Variants in P2RY2 observed in about 807,000 individuals in gnomAD.
The protein encoded by P2RY2 is P2Y purinoceptor 2.
For missense variants in P2RY2, 567 were observed against 515.7 expected (o/e 1.10, Z -0.96); for synonymous variants, 241 against 231.9 (o/e 1.04, Z -0.35).
Position 73,234,596 on chromosome 11 carries a change from G to A in P2RY2, c.437G>A (p.Arg146Gln), listed in dbSNP as rs765341118. 4.5e-6 allele frequency: 7 copies of A among 1,568,996 alleles called. No individual in the cohort carries two copies. Among genetic ancestry groups the A allele is most frequent in the Admixed American group, 3.6e-5 (2 of 56,076 alleles). ...CCTCTGCGCTCCCTGCGCTGGGGCC[G>A]GGCCCGCTACGCTCGCCGGGTGGCC... The part of the protein sequence containing the change: ...LRPLRSLRWG[R>Q]ARYARRVAGA... The change falls in exon 3 of 3, where the codon CGG becomes CAG. Residue 146 changes from arginine to glutamine, a missense_variant. Physicochemically the swap from Arg to Gln is conservative, Grantham distance 43. Coordinates refer to ENST00000393597, the MANE Select transcript of P2RY2 (RefSeq NM_002564.4).
At chr11:73,220,277 T>C (rs1862080272) in intron 1 of P2RY2, among the ~76,000 whole-genome samples, 1 of 152,228 alleles carries the variant, frequency 6.6e-6, no homozygotes, top group Admixed American at 6.5e-5. Context: ...CTAGAGATTT[T>C]ATCCTGAAGG....
In P2RY2 at chr11:73,235,257, G is replaced by A. The variant is rs773391543; in HGVS notation, c.1098G>A (p.Pro366=). ...SEDSRRTEST[P]AGSENTKDIR... ...ACTCTAGGCGGACAGAGTCCACGCCGGCTGGTAGCGAGAACACTAAGGACA... is the reference window on the plus strand; with the variant it reads ...ACTCTAGGCGGACAGAGTCCACGCCAGCTGGTAGCGAGAACACTAAGGACA... The change falls in exon 3 of 3, where the codon CCG becomes CCA. Residue 366 remains proline, a synonymous_variant. Coordinates refer to ENST00000393597, the MANE Select transcript of P2RY2 (RefSeq NM_002564.4). 12 of 1,584,864 alleles carry A rather than the reference G, an allele frequency of 7.6e-6. No individual in the cohort carries two copies. Among genetic ancestry groups the A allele is most frequent in the South Asian group, 2.3e-5 (2 of 86,922 alleles).
chr11:73,229,308 G>C (rs1862379090), intron 2 of P2RY2, among the ~76,000 whole-genome samples: 1 of 152,150 alleles, frequency 6.6e-6, no homozygotes, highest in African/African-American at 2.4e-5. Flanking sequence ...GGGGAGCCTG[G>C]AAGGGTCTTA....
chr11:73,235,827 AAGAGATGAACATCTG>A lies in P2RY2; in HGVS notation c.*535_*549del. 1 of 1,000,894 alleles carries A rather than the reference AAGAGATGAACATCTG, an allele frequency of 1.0e-6. No individual in the cohort carries two copies. Among genetic ancestry groups the A allele is most frequent in the Non-Finnish European group, 1.2e-6 (1 of 830,530 alleles). The allele number at this position is 1,000,894 out of a possible 1,614,324, so 62.0% of individuals were successfully genotyped here. On this transcript the variant is annotated 3_prime_UTR_variant, in exon 3 of 3. Transcript: ENST00000393597. Reference sequence around the variant, plus strand: ...TAGCTCTGAGGAGTACCCCCAGCCCAAGAGATGAACATCTGGGGACTAATATCATAGACCCATCTG... The same window carrying A: ...TAGCTCTGAGGAGTACCCCCAGCCCAGGGACTAATATCATAGACCCATCTG...
Position 73,235,889 on chromosome 11 carries a change from C to G in P2RY2, c.*596C>G. ...TCTGGAGGCTCCCATGGGCTAGGAG[C>G]CAGTGTGAGGCTGTAACTTATACTA... On this transcript the variant is annotated 3_prime_UTR_variant, in exon 3 of 3. Transcript: ENST00000393597. 1 of 1,000,356 alleles carries G rather than the reference C, an allele frequency of 1.0e-6. No individual in the cohort carries two copies. Among genetic ancestry groups the G allele is most frequent in the South Asian group, 4.7e-5 (1 of 21,280 alleles). The allele number at this position is 1,000,356 out of a possible 1,614,324, so 62.0% of individuals were successfully genotyped here.
chr11:73,228,065 G>A lies in P2RY2; in HGVS notation c.-115G>A, dbSNP rs1862330711. On this transcript the variant is annotated 5_prime_UTR_variant, in exon 2 of 3. Coordinates refer to ENST00000393597, the MANE Select transcript of P2RY2 (RefSeq NM_002564.4). ...CCAGGCCTGGGGACCTGTTTTTCCT[G>A]TTTCCCGCAGAGTTCCCTGCAGCCC... The A allele has an allele frequency of 6.6e-6, 1 of 152,146 alleles. No homozygotes were observed. The highest frequency in any genetic ancestry group is 2.4e-5 in the African/African-American group (1 of 41,392). 9.4% of individuals were successfully genotyped at this position (152,146 alleles called of 1,614,324 possible). A position where few individuals can be genotyped will look rare whatever the true frequency, so the allele number is the denominator to read the frequency against.
At chr11:73,221,548 A>G (rs1862114491) in intron 1 of P2RY2, among the ~76,000 whole-genome samples, 1 of 152,144 alleles carries the variant, frequency 6.6e-6, no homozygotes, top group Admixed American at 6.5e-5. Flanking sequence ...GCCTGCCCAG[A>G]CCTGCCCACG....
intron 2 of P2RY2, among the ~76,000 whole-genome samples, chr11:73,231,177 G>C (rs1406808355): frequency 6.6e-6 from 1 of 152,134 alleles, no homozygotes; most frequent in Non-Finnish European, 1.5e-5. Context: ...GGGGAACAAG[G>C]GTGCAGGCCC....
intron 1 of P2RY2, among the ~76,000 whole-genome samples, chr11:73,222,341 G>A (rs953168341): frequency 1.3e-5 from 2 of 151,930 alleles, no homozygotes; most frequent in African/African-American, 2.4e-5. Flanking sequence ...CAAGGGACCT[G>A]CTCCTCTCAT....
At chr11:73,230,330 C>T (rs1308807711) in intron 2 of P2RY2, among the ~76,000 whole-genome samples, 1 of 151,906 alleles carries the variant, frequency 6.6e-6, no homozygotes. Flanking sequence ...CAAGGCCTTC[C>T]CCTGCTTGGC....
Position 73,239,614 on chromosome 11 carries a change from G to GGCAA in P2RY2, c.*4323_*4326dup, listed in dbSNP as rs988859654. On this transcript the variant is annotated 3_prime_UTR_variant, in exon 3 of 3. Coordinates refer to ENST00000393597, the MANE Select transcript of P2RY2 (RefSeq NM_002564.4). ...GGAGCAGAGGACTGGTCTGGAGCTGGGCAAGGGCAGGCAGCAAATGGGGAG... is the reference window on the plus strand; with the variant it reads ...GGAGCAGAGGACTGGTCTGGAGCTGGGCAAGCAAGGGCAGGCAGCAAATGGGGAG... 5 of 152,336 alleles carry GGCAA rather than the reference G, an allele frequency of 3.3e-5. No homozygotes were observed. The highest frequency in any genetic ancestry group is 9.7e-5 in the African/African-American group (4 of 41,446). The allele number at this position is 152,336 out of a possible 1,614,324, so 9.4% of individuals were successfully genotyped here. A position where few individuals can be genotyped will look rare whatever the true frequency, so the allele number is the denominator to read the frequency against.
rs190035246 is a variant in P2RY2 at position 73,236,802 on chromosome 11, G to A, written c.*1509G>A. 430 of 985,424 alleles carry A rather than the reference G, an allele frequency of 4.4e-4. 1 individual carries two copies. Among genetic ancestry groups the A allele is most frequent in the South Asian group, 1.2e-3 (26 of 21,290 alleles). 61.0% of individuals were successfully genotyped at this position (985,424 alleles called of 1,614,324 possible). ...TCAGGCTGGGTCAGGACTTAGTATG[G>A]GGGAGATGGGTCTCACCTATGATAG... On this transcript the variant is annotated 3_prime_UTR_variant, in exon 3 of 3. Coordinates refer to ENST00000393597, the MANE Select transcript of P2RY2 (RefSeq NM_002564.4).
intron 1 of P2RY2, among the ~76,000 whole-genome samples, chr11:73,224,384 C>T (rs1474967552): frequency 1.3e-5 from 2 of 152,250 alleles, no homozygotes; most frequent in Non-Finnish European, 2.9e-5. Context: ...CCACCTGACT[C>T]CTCGTCTTCC....
rs1391666189 is a variant in P2RY2 at position 73,234,551 on chromosome 11, G to A, written c.392G>A (p.Arg131Gln). Reference protein sequence around the residue: ...ILFLTCISVHRCLGVLRPLRS... With the variant: ...ILFLTCISVHQCLGVLRPLRS... ...TTCCTCACCTGCATCAGCGTGCACC[G>A]GTGTCTGGGCGTCTTACGACCTCTG... is the stretch of plus-strand genomic sequence containing the variant. Residue 131 changes from arginine (R) to glutamine (Q), a missense_variant, in exon 3 of 3, where the codon CGG (arginine) becomes CAG (glutamine). Arg to Gln is a conservative substitution (Grantham distance 43). Transcript: ENST00000393597. 1.3e-6 allele frequency: 2 copies of A among 1,597,950 alleles called. No individual in the cohort carries two copies. The highest frequency in any genetic ancestry group is 8.5e-7 in the Non-Finnish European group (1 of 1,171,070).
At chr11:73,221,419 C>G (rs1167613290) in intron 1 of P2RY2, among the ~76,000 whole-genome samples, 2 of 152,162 alleles carry the variant, frequency 1.3e-5, no homozygotes, top group African/African-American at 4.8e-5. Context: ...GAGACAGAGC[C>G]CTGTTAGGGT....
chr11:73,222,071 C>T (rs550714218), intron 1 of P2RY2, among the ~76,000 whole-genome samples: 87 of 152,256 alleles, frequency 5.7e-4, no homozygotes, highest in African/African-American at 2.0e-3. Flanking sequence ...GCAGCCTGGG[C>T]CCCGTGGAAC....
intron 2 of P2RY2, among the ~76,000 whole-genome samples, chr11:73,231,424 G>A (rs934603376): frequency 6.7e-5 from 10 of 150,350 alleles, no homozygotes; most frequent in African/African-American, 2.4e-4. Context: ...AGGTGAGGTG[G>A]CACACACCCG....
rs1217577022 is a variant in P2RY2, at chr11:73,228,044, G to T, written c.-136G>T. 3.3e-5 allele frequency: 5 copies of T among 152,238 alleles called. No homozygotes were observed. The highest frequency in any genetic ancestry group is 7.3e-5 in the Non-Finnish European group (5 of 68,100). 9.4% of individuals were successfully genotyped at this position (152,238 alleles called of 1,614,324 possible). On this transcript the variant is annotated 5_prime_UTR_variant, in exon 2 of 3. Coordinates refer to ENST00000393597, the MANE Select transcript of P2RY2 (RefSeq NM_002564.4). ...TGCTGGAGGCTGGGCGTGGCCCCAG[G>T]CCTGGGGACCTGTTTTTCCTGTTTC...
chr11:73,230,154 C>A (rs1390219985), intron 2 of P2RY2, among the ~76,000 whole-genome samples: 1 of 152,028 alleles, frequency 6.6e-6, no homozygotes, highest in Admixed American at 6.5e-5. Context: ...CTTCTGTGAG[C>A]CAGCGACTCT....
Sources: gnomAD v4.1 joint callset for allele counts (sites outside exome capture counted in the v4.1 genomes callset) on GRCh38, gnomAD v4.1.1 for gene constraint, MANE v1.5 for transcripts, NCBI Gene and HGNC (gene_info 2026-07-23, HGNC 2026-07-21) for gene names.